The following CSMD1 variants were observed in gnomAD, a reference collection of about 807,000 sequenced individuals.
CSMD1 encodes the protein CUB and sushi domain-containing protein 1.
In CSMD1, 213 loss-of-function variants were observed where a neutral mutation model predicts 417.5. That is an observed-to-expected ratio of 0.51 (90% CI 0.46 to 0.57). The LOEUF (loss-of-function observed/expected upper bound fraction) is 0.57. Among genes scored for constraint, CSMD1 ranks in the 20% least tolerant of loss-of-function variants. The pLI, the probability that CSMD1 is intolerant of heterozygous loss-of-function variation, is 0.00. For missense variants in CSMD1, 6,923 were observed against 4,529.7 expected (o/e 1.53, Z -15.17); for synonymous variants, 2,862 against 1,736.8 (o/e 1.65, Z -16.11).
chr8:3,896,735 C>A (rs1306464374), intron 5 of CSMD1, among the ~76,000 whole-genome samples: 1 of 151,842 alleles, frequency 6.6e-6, no homozygotes, highest in Non-Finnish European at 1.5e-5. Flanking sequence ...TGGTCTCGAT[C>A]CTGAATATGT....
At chr8:4,536,614 A>G (rs1797115015) in intron 2 of CSMD1, among the ~76,000 whole-genome samples, 1 of 152,210 alleles carries the variant, frequency 6.6e-6, no homozygotes, top group Non-Finnish European at 1.5e-5. Context: ...GCACAAGTGG[A>G]TACTGAGAAT....
chr8:4,378,400 G>C (rs1049805338), intron 3 of CSMD1, among the ~76,000 whole-genome samples: 5 of 152,148 alleles, frequency 3.3e-5, no homozygotes, highest in Non-Finnish European at 5.9e-5. Context: ...ACGCAAGTTG[G>C]CTTAAAACAG....
chr8:3,349,644 T>A (rs541948216), intron 21 of CSMD1, among the ~76,000 whole-genome samples: 4 of 151,300 alleles, frequency 2.6e-5, no homozygotes, highest in South Asian at 2.1e-4. Context: ...ACTATAATTA[T>A]GTATTTGTAT....
At chr8:4,204,419 A>G (rs944945031) in intron 3 of CSMD1, among the ~76,000 whole-genome samples, 18 of 152,212 alleles carry the variant, frequency 1.2e-4, no homozygotes, top group African/African-American at 4.3e-4. Context: ...AACCCAACCC[A>G]TAAGCTAATT....
intron 10 of CSMD1, among the ~76,000 whole-genome samples, chr8:3,509,515 G>A (rs1442646273): frequency 6.6e-6 from 1 of 152,146 alleles, no homozygotes; most frequent in Non-Finnish European, 1.5e-5. Context: ...TTAAAATGAA[G>A]AAGGTAGGCT....
chr8:4,342,387 T>G (rs1800529619), intron 3 of CSMD1, among the ~76,000 whole-genome samples: 1 of 152,130 alleles, frequency 6.6e-6, no homozygotes, highest in Admixed American at 6.6e-5. Context: ...ATGTTTATTA[T>G]AGTATAAATG....
At chr8:4,867,754 T>C (rs1157534677) in intron 1 of CSMD1, among the ~76,000 whole-genome samples, 1 of 152,090 alleles carries the variant, frequency 6.6e-6, no homozygotes, top group Non-Finnish European at 1.5e-5. Flanking sequence ...TGCAGTTAGG[T>C]TTTTAGTAGC....
intron 7 of CSMD1, among the ~76,000 whole-genome samples, chr8:3,618,760 G>A (rs180793771): frequency 1.3e-5 from 2 of 152,128 alleles, no homozygotes; most frequent in African/African-American, 4.8e-5. Context: ...AGAAAAAGAT[G>A]TTCAAAATAG....
In CSMD1 at chr8:4,531,657, G is replaced by A. The variant is rs142726100; in HGVS notation, c.302+105685C>T. ...CACCATGGCCCCACGCTAGCTCTGTGTGCTTATCTAGTTTGTCAGAATCAG... is the reference window on the plus strand; with the variant it reads ...CACCATGGCCCCACGCTAGCTCTGTATGCTTATCTAGTTTGTCAGAATCAG... On this transcript the variant is annotated intron_variant, in intron 2 of 69. Transcript: ENST00000635120. Among the ~76,000 whole-genome samples the A allele has an allele frequency of 7.8e-3, 1,182 of 152,164 alleles. 6 individuals are homozygous for A. The highest frequency in any genetic ancestry group is 0.01 in the Non-Finnish European group (682 of 67,992).
chr8:3,913,405 CA>C (rs944884414), intron 5 of CSMD1, among the ~76,000 whole-genome samples: 4 of 152,094 alleles, frequency 2.6e-5, no homozygotes, highest in Non-Finnish European at 5.9e-5. Flanking sequence ...CCAGAAGAAG[CA>C]AACCACTGGG....
At chr8:3,344,449 T>TTAAAA (rs1193098895) in intron 22 of CSMD1, among the ~76,000 whole-genome samples, 1 of 152,104 alleles carries the variant, frequency 6.6e-6, no homozygotes, top group Non-Finnish European at 1.5e-5. Context: ...ATCCCAGAGC[T>TTAAAA]TAAGATAAAA....
At chr8:3,681,137 G>T (rs1799640440) in intron 7 of CSMD1, among the ~76,000 whole-genome samples, 1 of 152,190 alleles carries the variant, frequency 6.6e-6, no homozygotes, top group African/African-American at 2.4e-5. Context: ...ACAAGACAGG[G>T]ATGCCCTCTT....
At chr8:4,459,466 G>C (rs78883780) in intron 2 of CSMD1, among the ~76,000 whole-genome samples, 3,191 of 152,256 alleles carry the variant, frequency 0.021, 115 homozygotes, top group African/African-American at 0.071. Context: ...AGGAGAGATA[G>C]AGGGCAGGAA....
intron 3 of CSMD1, among the ~76,000 whole-genome samples, chr8:4,217,380 C>A (rs1362326792): frequency 2.0e-5 from 3 of 152,160 alleles, no homozygotes; most frequent in African/African-American, 7.2e-5. Context: ...TAGGGAACTT[C>A]ATTTCATGAA....
At chr8:4,863,448 T>C (rs1437711289) in intron 1 of CSMD1, among the ~76,000 whole-genome samples, 8 of 152,142 alleles carry the variant, frequency 5.3e-5, no homozygotes, top group South Asian at 2.1e-4. Context: ...ATCCAGATTC[T>C]AGAACATTCA....
At chr8:3,703,890 G>A (rs545698183) in intron 7 of CSMD1, among the ~76,000 whole-genome samples, 2 of 152,228 alleles carry the variant, frequency 1.3e-5, no homozygotes, top group East Asian at 1.9e-4. Context: ...GGCCAATGGT[G>A]AAACCCCATC....
intron 10 of CSMD1, among the ~76,000 whole-genome samples, chr8:3,521,020 T>C (rs767647069): frequency 6.6e-6 from 1 of 152,184 alleles, no homozygotes; most frequent in Non-Finnish European, 1.5e-5. Flanking sequence ...CCATTCCTCA[T>C]GTTCTTCACC....
chr8:4,259,627 G>T (rs534651684), intron 3 of CSMD1, among the ~76,000 whole-genome samples: 1 of 151,930 alleles, frequency 6.6e-6, no homozygotes, highest in African/African-American at 2.4e-5. Flanking sequence ...AATATAGTCG[G>T]AGTCCTTACC....
At chr8:4,705,182 G>A (rs1266834092) in intron 1 of CSMD1, among the ~76,000 whole-genome samples, 1 of 152,056 alleles carries the variant, frequency 6.6e-6, no homozygotes, top group African/African-American at 2.4e-5. Context: ...TAAGTTTCCT[G>A]AGGCCTTCCC....
Sources: allele counts gnomAD v4.1 joint callset (sites outside exome capture counted in the v4.1 genomes callset), GRCh38; gene constraint gnomAD v4.1.1; transcripts MANE v1.5; gene names NCBI Gene and HGNC (gene_info 2026-07-23, HGNC 2026-07-21).